Variants in SCFD2 observed in about 807,000 individuals in gnomAD.
SCFD2 encodes sec1 family domain-containing protein 2.
In SCFD2, 54 loss-of-function variants were observed where a neutral mutation model predicts 58.9. That is an observed-to-expected ratio of 0.92 (90% CI 0.74 to 1.15). The LOEUF is 1.15. SCFD2 is among the 50% of genes most tolerant of loss of function. The probability of loss-of-function intolerance (pLI) is 0.00; values close to 1 mark genes in which losing one functional copy is unlikely to be tolerated. For missense variants in SCFD2, 805 were observed against 836.6 expected (o/e 0.96, Z 0.47); for synonymous variants, 321 against 335.9 (o/e 0.96, Z 0.49).
chr4:53,156,476 T>A (rs28433905), intron 4 of SCFD2, among the ~76,000 whole-genome samples: 50,015 of 150,692 alleles, frequency 0.33, 8,590 homozygotes, highest in South Asian at 0.42. Context: ...GGCGGGCAGA[T>A]CATGAGGTCA....
At chr4:53,018,353 C>G (rs1722263048) in intron 5 of SCFD2, among the ~76,000 whole-genome samples, 1 of 152,086 alleles carries the variant, frequency 6.6e-6, no homozygotes, top group Admixed American at 6.5e-5. Flanking sequence ...ACATGTACAC[C>G]CAGAAAAAGA....
At chr4:52,958,927 T>C (rs932306122) in intron 5 of SCFD2, among the ~76,000 whole-genome samples, 4 of 152,208 alleles carry the variant, frequency 2.6e-5, no homozygotes, top group African/African-American at 9.6e-5. Flanking sequence ...GTATTAGGCA[T>C]TATGCAGAGT....
intron 5 of SCFD2, among the ~76,000 whole-genome samples, chr4:52,944,771 G>A (rs1482451576): frequency 6.6e-6 from 1 of 152,180 alleles, no homozygotes; most frequent in Non-Finnish European, 1.5e-5. Flanking sequence ...ATCCCTCTGA[G>A]GAGAGCTATA....
intron 5 of SCFD2, among the ~76,000 whole-genome samples, chr4:53,044,446 C>G (rs1722975780): frequency 6.6e-6 from 1 of 151,698 alleles, no homozygotes; most frequent in African/African-American, 2.4e-5. Context: ...TCTGGAGAAC[C>G]AAATCAACAG....
chr4:52,935,778 A>C (rs1375396984), intron 5 of SCFD2, among the ~76,000 whole-genome samples: 3 of 152,190 alleles, frequency 2.0e-5, no homozygotes, highest in Non-Finnish European at 2.9e-5. Context: ...AGACCTGCCC[A>C]ATGCAAAACA....
chr4:53,140,118 A>T (rs1726083763), intron 5 of SCFD2, among the ~76,000 whole-genome samples: 3 of 151,714 alleles, frequency 2.0e-5, no homozygotes, highest in South Asian at 4.2e-4. Flanking sequence ...CTTTGTTCAC[A>T]TGTTTATCTG....
At chr4:53,068,969 C>A (rs931240971) in intron 5 of SCFD2, among the ~76,000 whole-genome samples, 5 of 151,972 alleles carry the variant, frequency 3.3e-5, no homozygotes, top group African/African-American at 7.2e-5. Context: ...AGTAATATTA[C>A]AATGTGTCAT....
At chr4:52,942,351 T>G (rs1720314951) in intron 5 of SCFD2, among the ~76,000 whole-genome samples, 1 of 151,844 alleles carries the variant, frequency 6.6e-6, no homozygotes, top group African/African-American at 2.4e-5. Context: ...AAGCTGAGAG[T>G]TCTGATTCCA....
intron 2 of SCFD2, among the ~76,000 whole-genome samples, chr4:53,320,740 T>C (rs1316976630): frequency 2.0e-5 from 3 of 152,262 alleles, no homozygotes; most frequent in African/African-American, 7.2e-5. Flanking sequence ...CATGCTGCTA[T>C]TTCTTTTATT....
intron 5 of SCFD2, among the ~76,000 whole-genome samples, chr4:53,121,111 C>G (rs544799237): frequency 1.3e-4 from 20 of 152,266 alleles, no homozygotes; most frequent in African/African-American, 4.8e-4. Context: ...AAAATTGACA[C>G]AATGATAAGT....
chr4:53,258,519 C>T (rs556230952), intron 4 of SCFD2, among the ~76,000 whole-genome samples: 2 of 133,678 alleles, frequency 1.5e-5, no homozygotes, highest in African/African-American at 2.9e-5. Flanking sequence ...ATGGCTAAGT[C>T]GTATTCCATG....
intron 2 of SCFD2, among the ~76,000 whole-genome samples, chr4:53,343,591 T>G (rs1733958566): frequency 6.6e-6 from 1 of 152,198 alleles, no homozygotes; most frequent in Non-Finnish European, 1.5e-5. Flanking sequence ...GAATCCTCCC[T>G]CACTCATTTT....
intron 6 of SCFD2, among the ~76,000 whole-genome samples, chr4:52,917,706 T>C (rs753048113): frequency 3.3e-5 from 5 of 152,180 alleles, no homozygotes; most frequent in Non-Finnish European, 7.3e-5. Context: ...TGTTCTGGGA[T>C]TTATTTCTGG....
At chr4:53,090,970 A>G (rs982419816) in intron 5 of SCFD2, among the ~76,000 whole-genome samples, 2 of 152,168 alleles carry the variant, frequency 1.3e-5, no homozygotes, top group African/African-American at 4.8e-5. Flanking sequence ...TGAAACTCTA[A>G]TCTTCACCAC....
chr4:52,910,994 C>G (rs188763821), intron 6 of SCFD2, among the ~76,000 whole-genome samples: 2 of 152,062 alleles, frequency 1.3e-5, no homozygotes, highest in East Asian at 3.9e-4. Flanking sequence ...ATTACTCAGT[C>G]TCGGGAATGT....
intron 3 of SCFD2, among the ~76,000 whole-genome samples, chr4:53,302,297 T>G (rs1732339440): frequency 6.6e-6 from 1 of 152,202 alleles, no homozygotes; most frequent in South Asian, 2.1e-4. Flanking sequence ...AGCATTCTTA[T>G]ACACCAATAA....
At chr4:53,354,444 T>C (rs1381988689) in intron 1 of SCFD2, among the ~76,000 whole-genome samples, 1 of 152,196 alleles carries the variant, frequency 6.6e-6, no homozygotes, top group Non-Finnish European at 1.5e-5. Flanking sequence ...GCCTGGTTCC[T>C]GCCCGTGCCT....
chr4:53,201,772 C>T (rs143251555), intron 4 of SCFD2, among the ~76,000 whole-genome samples: 17,198 of 152,134 alleles, frequency 0.11, 1,069 homozygotes, highest in East Asian at 0.24. Context: ...TCTCTGATGG[C>T]CAGTGATGAT....
chr4:53,158,428 C>G (rs2148924713), intron 4 of SCFD2, among the ~76,000 whole-genome samples: 1 of 152,228 alleles, frequency 6.6e-6, no homozygotes, highest in Non-Finnish European at 1.5e-5. Context: ...ATTTGTACCC[C>G]CAAATTTGCT....
Sources: gnomAD v4.1 joint callset for allele counts (sites outside exome capture counted in the v4.1 genomes callset) on GRCh38, gnomAD v4.1.1 for gene constraint, MANE v1.5 for transcripts, NCBI Gene and HGNC (gene_info 2026-07-23, HGNC 2026-07-21) for gene names.